TMEM231: variants seen among roughly 807,000 people sequenced by gnomAD.
The protein encoded by TMEM231 is transmembrane protein 231.
Under a neutral mutation model 38.5 loss-of-function variants are expected in TMEM231, and 40 were observed. The observed-to-expected ratio is 1.04, with a 90% CI of 0.81 to 1.35. TMEM231 has a LOEUF of 1.35. TMEM231 is among the 40% of genes most tolerant of loss of function. The pLI is 0.00. For synonymous variants in TMEM231, 199 were observed against 181.7 expected, an observed-to-expected ratio of 1.10 and a Z score of -0.77; for missense variants, 420 against 416.9, an observed-to-expected ratio of 1.01 and a Z score of -0.07.
At position 75,539,037 on chromosome 16, in the gene TMEM231, T is replaced by C. The variant is rs1389751966; in HGVS notation, c.*957A>G. On this transcript the variant is annotated 3_prime_UTR_variant, in exon 7 of 7. Transcript: ENST00000258173. ...CTTAGTCAAGGGAAACGCCAGCCGC[T>C]GGGCTTCCCGCTAGCCTTCCAAATA... 3.9e-5 allele frequency: 6 copies of C among 152,220 alleles called. No homozygotes were observed. Among genetic ancestry groups the C allele is most frequent in the African/African-American group, 1.4e-4 (6 of 41,450 alleles). 9.4% of individuals were successfully genotyped at this position (152,220 alleles called of 1,614,324 possible). A position where few individuals can be genotyped will look rare whatever the true frequency, so the allele number is the denominator to read the frequency against.
chr16:75,545,254 C>CG (rs1328863392), intron 4 of TMEM231, 98 bp downstream of exon 4: 1 of 1,508,348 alleles, frequency 6.6e-7, no homozygotes, highest in East Asian at 2.3e-5. Flanking sequence ...GCCACTGCGC[C>CG]TGGCCTGACA....
intron 2 of TMEM231, among the ~76,000 whole-genome samples, chr16:75,547,839 T>C (rs945326451): frequency 2.0e-5 from 3 of 152,228 alleles, no homozygotes; most frequent in Admixed American, 1.3e-4. Flanking sequence ...TTTTCTTCAA[T>C]TGGGATCTGG....
rs1313137862 is a variant in TMEM231 at position 75,555,832 on chromosome 16, C to A, written c.281G>T (p.Gly94Val). The A allele has an allele frequency of 6.4e-7, 1 of 1,573,468 alleles. No homozygotes were observed. ...AACGAGCGGGACGCGCAGGCGATCC[C>A]CTTGCAGCCGGTTGAAGGCGGGGAA... Reference protein sequence around the residue: ...STFPAFNRLQGDRLRVPLVST... With the variant: ...STFPAFNRLQVDRLRVPLVST... The change falls in exon 2 of 7, where the codon GGG (glycine) becomes GTG (valine). Residue 94 changes from glycine (G) to valine (V), a missense_variant. Transcript: ENST00000258173.
intron 2 of TMEM231, among the ~76,000 whole-genome samples, chr16:75,549,732 G>C (rs979892690): frequency 6.6e-6 from 1 of 151,492 alleles, no homozygotes. Context: ...TTTTTGAGAC[G>C]AAGTCTTACT....
Position 75,556,082 on chromosome 16 carries a change from A to C in TMEM231, c.128T>G (p.Phe43Cys). 1.3e-6 allele frequency: 2 copies of C among 1,568,488 alleles called. No homozygotes were observed. The highest frequency in any genetic ancestry group is 2.7e-5 in the African/African-American group (2 of 73,796). ...CGGGGCAGGCTCACCGTGGCTCCGG[A>C]AGGCCACCAGCAGCGGCGGGATGTA... ...LTYIPPLLVA[F>C]RSHGFWLKRS... Residue 43 changes from phenylalanine to cysteine, a missense_variant, in exon 1 of 7, where the codon TTC (phenylalanine) becomes TGC (cysteine). Coordinates refer to ENST00000258173, the MANE Select transcript of TMEM231 (RefSeq NM_001077418.3).
At chr16:75,553,929 A>G (rs1460805179) in intron 2 of TMEM231, among the ~76,000 whole-genome samples, 1 of 152,138 alleles carries the variant, frequency 6.6e-6, no homozygotes, top group Non-Finnish European at 1.5e-5. Context: ...GGCATTCTCT[A>G]TTGAGTTCCC....
chr16:75,548,362 G>A (rs1029028925), intron 2 of TMEM231, among the ~76,000 whole-genome samples: 2 of 152,128 alleles, frequency 1.3e-5, no homozygotes, highest in African/African-American at 4.8e-5. Context: ...CATCAATAGT[G>A]TCTACTTGTT....
chr16:75,556,270 ATCGCC>A, upstream of TMEM231: 1 of 1,390,158 alleles, frequency 7.2e-7, no homozygotes, highest in Non-Finnish European at 9.3e-7. Flanking sequence ...CCTGGTTGCC[ATCGCC>A]TCGGTCTCCA....
chr16:75,542,192 A>C, intron 5 of TMEM231: 1 of 189,292 alleles, frequency 5.3e-6, no homozygotes, highest in Non-Finnish European at 1.1e-5. Flanking sequence ...CTCCTGCTGG[A>C]CTGCTAATGT....
intron 2 of TMEM231, among the ~76,000 whole-genome samples, chr16:75,546,475 C>T (rs2080693480): frequency 6.6e-6 from 1 of 151,702 alleles, no homozygotes; most frequent in South Asian, 2.1e-4. Context: ...CGGGGTCTAA[C>T]TCTATCGCCC....
intron 2 of TMEM231, among the ~76,000 whole-genome samples, chr16:75,553,445 C>A (rs1350237195): frequency 6.6e-6 from 1 of 151,532 alleles, no homozygotes; most frequent in East Asian, 2.0e-4. Context: ...ATGGTGAAAC[C>A]CTGTTTCCAC....
intron 2 of TMEM231, 148 bp from the exon 3 acceptor site, chr16:75,546,102 T>C: frequency 6.5e-7 from 1 of 1,542,196 alleles, no homozygotes; most frequent in Non-Finnish European, 8.8e-7. Context: ...CAGATAGATG[T>C]AAGTGCATTA....
At position 75,537,121 on chromosome 16, in the gene TMEM231, C is replaced by CAAAAAAAAAAAAA. The variant is rs35767878; in HGVS notation, c.*2860_*2872dup. 1.9e-5 allele frequency: 2 copies of CAAAAAAAAAAAAA among 107,160 alleles called. No individual in the cohort carries two copies. Among genetic ancestry groups the CAAAAAAAAAAAAA allele is most frequent in the African/African-American group, 3.4e-5 (1 of 29,328 alleles). 6.6% of individuals were successfully genotyped at this position (107,160 alleles called of 1,614,324 possible). A position where few individuals can be genotyped will look rare whatever the true frequency, so the allele number is the denominator to read the frequency against. ...TGGGTAACAGAGTGAGACTCTGTCT[C>CAAAAAAAAAAAAA]AAAAAAAAAAAAAAAAAAGAAAAAG... is the stretch of plus-strand genomic sequence containing the variant. On this transcript the variant is annotated 3_prime_UTR_variant, in exon 7 of 7. Coordinates refer to ENST00000258173, the MANE Select transcript of TMEM231 (RefSeq NM_001077418.3).
Position 75,540,261 on chromosome 16 carries a change from C to T in TMEM231, c.771-87G>A, listed in dbSNP as rs892048316. ...GGAATTGGCTGTGGCAGAGGTATCT[C>T]GAAAGGAGGCAGGACCTCTGTCATG... On this transcript the variant is annotated intron_variant, in intron 6 of 6. Transcript: ENST00000258173. 32 of 1,350,804 alleles carry T rather than the reference C, an allele frequency of 2.4e-5. No homozygotes were observed. In the East Asian group the frequency reaches 3.5e-4, roughly 15 times the overall value. The allele number at this position is 1,350,804 out of a possible 1,614,324, so 83.7% of individuals were successfully genotyped here.
chr16:75,540,364 C>T (rs866507863), intron 6 of TMEM231, among the ~76,000 whole-genome samples, 190 bp from the exon 7 acceptor site: 5 of 152,308 alleles, frequency 3.3e-5, no homozygotes, highest in Middle Eastern at 6.8e-3. Flanking sequence ...TATTTATATA[C>T]CAAGCCTGAT....
chr16:75,546,321 C>A (rs796083911), intron 2 of TMEM231, among the ~76,000 whole-genome samples: 18 of 152,238 alleles, frequency 1.2e-4, no homozygotes, highest in South Asian at 6.2e-4. Flanking sequence ...TTTTAAGTAG[C>A]ATGTCAGAAT....
At chr16:75,550,064 C>T (rs559946847) in intron 2 of TMEM231, among the ~76,000 whole-genome samples, 115 of 152,244 alleles carry the variant, frequency 7.6e-4, no homozygotes, top group Non-Finnish European at 1.3e-3. Context: ...GGACTGAAGA[C>T]GTAAAAAGGG....
Position 75,556,224 on chromosome 16 carries a change from G to A in TMEM231, c.-15C>T, listed in dbSNP as rs138060715. The A allele has an allele frequency of 1.2e-3, 1,630 of 1,394,788 alleles. 5 individuals carry two copies. The highest frequency in any genetic ancestry group is 9.2e-3 in the Middle Eastern group (49 of 5,336). The allele number at this position is 1,394,788 out of a possible 1,614,324, so 86.4% of individuals were successfully genotyped here. A position where few individuals can be genotyped will look rare whatever the true frequency, so the allele number is the denominator to read the frequency against. ...TAGAGCGCCATGAGCACCGCTCGCA[G>A]GCACTCCGCGAGCCGGGGGACCAAG... On this transcript the variant is annotated 5_prime_UTR_variant, in exon 1 of 7. Transcript: ENST00000258173.
At chr16:75,542,054 A>T (rs2080633543) in intron 5 of TMEM231, 1 of 157,634 alleles carries the variant, frequency 6.3e-6, no homozygotes. Flanking sequence ...GTAACACTGT[A>T]GATGCTTTTA....
Sources: allele counts gnomAD v4.1 joint callset (sites outside exome capture counted in the v4.1 genomes callset), GRCh38; gene constraint gnomAD v4.1.1; transcripts MANE v1.5; gene names NCBI Gene and HGNC (gene_info 2026-07-23, HGNC 2026-07-21).